Variants in FAHD1 observed in about 807,000 individuals in gnomAD.
FAHD1 encodes the protein FAH domain containing oxaloacetate decarboxylase 1.
A neutral mutation model predicts 12.7 loss-of-function variants in FAHD1; 14 were observed. That is an observed-to-expected ratio of 1.10 (90% confidence interval 0.73 to 1.72). The LOEUF is 1.72. Among genes scored for constraint, FAHD1 ranks in the 40% most tolerant of loss-of-function variants. FAHD1 has a pLI of 0.00. For synonymous variants in FAHD1, 153 were observed against 124.9 expected (o/e 1.22, Z -1.50); for missense variants, 351 against 298.9 (o/e 1.17, Z -1.29).
chr16:1,837,615 A>G, intron 1 of FAHD1: 2 of 472,418 alleles, frequency 4.2e-6, no homozygotes, highest in Non-Finnish European at 3.8e-6. Flanking sequence ...ACAATATGAA[A>G]AAACCCCTGG....
chr16:1,833,554 CTTTTTTTTTT>C (rs769668788), downstream of FAHD1, among the ~76,000 whole-genome samples: 8 of 114,292 alleles, frequency 7.0e-5, no homozygotes, highest in East Asian at 2.7e-4. Flanking sequence ...TTTAGAGGTA[CTTTTTTTTTT>C]TTTTTTTTTT....
chr16:1,836,138 T>G (rs1343550390), intron 1 of FAHD1, among the ~76,000 whole-genome samples: 2 of 151,574 alleles, frequency 1.3e-5, no homozygotes, highest in African/African-American at 4.8e-5. Flanking sequence ...CCCTCATTAA[T>G]TAATGAGTTA....
chr16:1,832,227 G>T (rs1165058044), downstream of FAHD1, among the ~76,000 whole-genome samples: 3 of 121,836 alleles, frequency 2.5e-5, no homozygotes, highest in Non-Finnish European at 3.2e-5. Flanking sequence ...CCACGCTGCA[G>T]TGGCATGATC....
exon 1 of FAHD1, chr16:1,827,311 G>C: frequency 6.2e-7 from 1 of 1,613,234 alleles, no homozygotes; most frequent in Non-Finnish European, 8.5e-7. Flanking sequence ...GAGGAACTAC[G>C]CGGACCACGT....
At chr16:1,829,571 C>T (rs1898587168), downstream of FAHD1, among the ~76,000 whole-genome samples, 1 of 152,140 alleles carries the variant, frequency 6.6e-6, no homozygotes. Flanking sequence ...TATGCTGCAA[C>T]CCCATGCTTA....
At position 1,835,617 on chromosome 16, in the gene FAHD1, C is replaced by T. The variant is rs183760901; in HGVS notation, c.628-2399C>T. ...TGGTAGTCTGACATTGGCTAGAACA[C>T]GTTCAGAGCTGTCTGATTCTACAGG... On this transcript the variant is annotated intron_variant, in intron 1 of 2. Transcript: ENST00000382666. Among the ~76,000 whole-genome samples the T allele has an allele frequency of 1.5e-3, 226 of 152,242 alleles. 5 individuals are homozygous for T. The highest frequency in any genetic ancestry group is 0.014 in the Admixed American group (219 of 15,276).
intron 1 of FAHD1, among the ~76,000 whole-genome samples, chr16:1,835,601 G>T (rs1898723419): frequency 1.3e-5 from 2 of 152,190 alleles, no homozygotes; most frequent in South Asian, 4.1e-4. Context: ...GTGGTAGTCT[G>T]ACATTGGCTA....
chr16:1,827,915 A>T (rs1898534309), exon 1 of FAHD1: 2 of 1,607,628 alleles, frequency 1.2e-6, no homozygotes, highest in Non-Finnish European at 1.7e-6. Context: ...GTTATTTCTT[A>T]ACAAGTTTCG....
chr16:1,828,698 A>G, exon 1 of FAHD1: 1 of 921,552 alleles, frequency 1.1e-6, no homozygotes, highest in Non-Finnish European at 1.3e-6. Context: ...TCTCCAGTGA[A>G]GCTGTGTTTA....
At chr16:1,839,231 C>T in intron 2 of FAHD1, 1 of 1,550,012 alleles carries the variant, frequency 6.5e-7, no homozygotes, top group Non-Finnish European at 8.7e-7. Context: ...ATATTCTAAA[C>T]ATTTCTTCCT....
chr16:1,837,959 T>G, intron 1 of FAHD1: 2 of 1,447,088 alleles, frequency 1.4e-6, no homozygotes, highest in South Asian at 1.5e-5. Context: ...ACTTTCTCAT[T>G]AGAAATGAAA....
At chr16:1,838,935 G>A (rs971635020) in intron 2 of FAHD1, among the ~76,000 whole-genome samples, 14 of 152,068 alleles carry the variant, frequency 9.2e-5, no homozygotes, top group African/African-American at 4.8e-5. Flanking sequence ...CAAGTGATCC[G>A]CCCTCCTTGG....
At chr16:1,834,142 T>C (rs1898675460) in intron 1 of FAHD1, 1 of 631,686 alleles carries the variant, frequency 1.6e-6, no homozygotes, top group Non-Finnish European at 2.8e-6. Context: ...TCTAGAAACA[T>C]GTTCACCACA....
intron 2 of FAHD1, among the ~76,000 whole-genome samples, chr16:1,838,679 C>G (rs1337801654): frequency 1.3e-5 from 2 of 151,936 alleles, no homozygotes; most frequent in Admixed American, 1.3e-4. Flanking sequence ...CATCATGTTT[C>G]CTTAGTGTTT....
Position 1,834,648 on chromosome 16 carries a change from C to G in FAHD1, c.628-3368C>G, listed in dbSNP as rs193273806. Among the ~76,000 whole-genome samples the G allele has an allele frequency of 8.3e-4, 126 of 152,256 alleles. 1 individual carries two copies. Among genetic ancestry groups the G allele is most frequent in the Middle Eastern group, 3.4e-3 (1 of 294 alleles). On this transcript the variant is annotated intron_variant, in intron 1 of 2. Coordinates refer to the FAHD1 transcript ENST00000382666. ...GTTGGGATTAAAAGTCTAATGTGGCCGGGTGCTGGTGCAGTGGCTCACGCC... is the reference window on the plus strand; with the variant it reads ...GTTGGGATTAAAAGTCTAATGTGGCGGGGTGCTGGTGCAGTGGCTCACGCC...
exon 1 of FAHD1, chr16:1,828,597 T>G (rs572976724): frequency 1.0e-6 from 1 of 999,542 alleles, no homozygotes; most frequent in East Asian, 1.1e-4. Flanking sequence ...TTTCTTAGAT[T>G]TGGTCATCAT....
rs757341156 is a variant in FAHD1 at position 1,827,623 on chromosome 16, A to AGC, written c.389_390dup (p.Phe131ArgfsTer14). 2 of 1,614,010 alleles carry AGC rather than the reference A, an allele frequency of 1.2e-6. No individual in the cohort carries two copies. Among genetic ancestry groups the AGC allele is most frequent in the Non-Finnish European group, 1.7e-6 (2 of 1,180,046 alleles). On this transcript the variant is annotated frameshift_variant, in exon 1 of 1. Transcript: ENST00000427358. LOFTEE classifies it high-confidence loss of function. ...GAGCTTCACGGCGTCCTGCCCGGTC[A>AGC]GCGCGTTCGTGCCCAAGGAGAAGAT...
chr16:1,830,598 A>C (rs562734572), downstream of FAHD1, among the ~76,000 whole-genome samples: 1 of 152,354 alleles, frequency 6.6e-6, no homozygotes, highest in Admixed American at 6.5e-5. Flanking sequence ...GCTTTGTCAC[A>C]AACATTGACA....
exon 2 of FAHD1, chr16:1,838,041 A>C (rs904493446): frequency 4.6e-6 from 6 of 1,292,432 alleles, no homozygotes; most frequent in Non-Finnish European, 5.2e-6. Context: ...CTGTCGCCCA[A>C]GCTGGAGTGC....
Sources: allele counts gnomAD v4.1 joint callset (sites outside exome capture counted in the v4.1 genomes callset), GRCh38; gene constraint gnomAD v4.1.1; transcripts MANE v1.5; gene names NCBI Gene and HGNC (gene_info 2026-07-23, HGNC 2026-07-21).